Variants in SLC13A4 observed in about 807,000 individuals in gnomAD.
SLC13A4 encodes solute carrier family 13 member 4, also known as Na(+)/sulfate cotransporter SUT-1.
Under a neutral mutation model 72.7 loss-of-function variants are expected in SLC13A4, and 28 were observed. The ratio of observed to expected loss-of-function variants is 0.39; its 90% CI spans 0.29 to 0.53. The LOEUF is 0.53. Ranked by LOEUF, SLC13A4 falls within the 20% of genes least tolerant of loss-of-function variation. The pLI, the probability that SLC13A4 is intolerant of heterozygous loss-of-function variation, is 0.78. For missense variants in SLC13A4, 653 were observed against 788.0 expected, an observed-to-expected ratio of 0.83 and a Z score of 2.05; for synonymous variants, 312 against 325.5, an observed-to-expected ratio of 0.96 and a Z score of 0.45.
intron 13 of SLC13A4, among the ~76,000 whole-genome samples, chr7:135,686,012 G>A (rs1194610214): frequency 2.0e-5 from 3 of 152,178 alleles, no homozygotes; most frequent in Non-Finnish European, 2.9e-5. Flanking sequence ...CTTCAGTCTC[G>A]TTACCCTTTC....
At chr7:135,706,600 C>T (rs935310007) in intron 3 of SLC13A4, among the ~76,000 whole-genome samples, 1 of 152,186 alleles carries the variant, frequency 6.6e-6, no homozygotes, top group South Asian at 2.1e-4. Context: ...TGTAGACTTA[C>T]CATTGTTTTT....
intron 8 of SLC13A4, among the ~76,000 whole-genome samples, chr7:135,697,108 T>G (rs1460298401): frequency 1.3e-5 from 2 of 152,250 alleles, no homozygotes; most frequent in African/African-American, 2.4e-5. Context: ...CAAAGGTTAT[T>G]ATGAATATCC....
intron 2 of SLC13A4, among the ~76,000 whole-genome samples, chr7:135,715,626 G>T (rs1257475766): frequency 6.6e-6 from 1 of 152,172 alleles, no homozygotes; most frequent in African/African-American, 2.4e-5. Context: ...AGAGCTGTTT[G>T]TTCCCAATCC....
chr7:135,684,285 C>A, intron 14 of SLC13A4, 24 bp from the exon 15 acceptor site: 1 of 1,578,718 alleles, frequency 6.3e-7, no homozygotes, highest in Non-Finnish European at 8.6e-7. Flanking sequence ...TTCACAGAAA[C>A]ATTCACGAGA....
chr7:135,685,782 G>A (rs568498233), intron 13 of SLC13A4, 99 bp from the exon 14 acceptor site: 2 of 1,054,544 alleles, frequency 1.9e-6, no homozygotes, highest in Non-Finnish European at 1.4e-6. Context: ...AAGGCTGGAC[G>A]ACCAGGGATC....
In SLC13A4 at chr7:135,721,350, C is replaced by A. The variant is rs766079833; in HGVS notation, c.228+45G>T. ...TTCATTGGAGGCTCTCTTTCAGGGG[C>A]CCTGCAGGGACCCAGGCAGGGGGTG... On this transcript the variant is annotated intron_variant, in intron 2 of 15. Coordinates refer to ENST00000682651, the MANE Select transcript of SLC13A4 (RefSeq NM_001318192.2). 4.3e-6 allele frequency: 7 copies of A among 1,609,228 alleles called. No homozygotes were observed. The African/African-American group carries it at 9.4e-5, about 22-fold the overall frequency.
rs1426580756 is a variant in SLC13A4, at chr7:135,681,287, T to C, written c.*276A>G. On this transcript the variant is annotated 3_prime_UTR_variant, in exon 16 of 16. Transcript: ENST00000682651. ...TTTAATTTTTATTTTCTTTTTCTTT[T>C]TCTGTGAGCCTATGGCTTGTATTGA... is the stretch of plus-strand genomic sequence containing the variant. 10 of 334,548 alleles carry C rather than the reference T, an allele frequency of 3.0e-5. No individual in the cohort carries two copies. The highest frequency in any genetic ancestry group is 4.8e-5 in the Admixed American group (1 of 20,884). The allele number at this position is 334,548 out of a possible 1,614,324, so 20.7% of individuals were successfully genotyped here.
intron 2 of SLC13A4, 21 bp from the exon 3 acceptor site, chr7:135,708,271 T>C: frequency 6.2e-7 from 1 of 1,613,826 alleles, no homozygotes; most frequent in Non-Finnish European, 8.5e-7. Context: ...GCCAGGCATG[T>C]CAGTCACCCT....
In SLC13A4 at chr7:135,726,252, C is replaced by A. The variant is rs537474455; in HGVS notation, c.99+1146G>T. Among the ~76,000 whole-genome samples the A allele has an allele frequency of 2.0e-5, 3 of 152,328 alleles. 1 individual carries two copies. Among genetic ancestry groups the A allele is most frequent in the African/African-American group, 7.2e-5 (3 of 41,576 alleles). ...ACAAAGCAGAAAATTGACTAGGGTACAGTCCAGGAAGAATGTCAGCAGCAA... is the reference window on the plus strand; with the variant it reads ...ACAAAGCAGAAAATTGACTAGGGTAAAGTCCAGGAAGAATGTCAGCAGCAA... On this transcript the variant is annotated intron_variant, in intron 1 of 15. Coordinates refer to ENST00000682651, the MANE Select transcript of SLC13A4 (RefSeq NM_001318192.2).
Position 135,690,538 on chromosome 7 carries a change from A to G in SLC13A4, c.1446+663T>C, listed in dbSNP as rs79098679. On this transcript the variant is annotated intron_variant, in intron 13 of 15. Coordinates refer to ENST00000682651, the MANE Select transcript of SLC13A4 (RefSeq NM_001318192.2). The stretch of plus-strand genomic sequence containing the variant: ...TCGCCTATTACCACTCCTATTACCT[A>G]TTACCTATGTCTATCTCCTGTTACC... 7.2e-3 allele frequency among the ~76,000 whole-genome samples: 1,096 copies of G among 152,156 alleles called. 10 individuals carry two copies. The highest frequency in any genetic ancestry group is 0.025 in the African/African-American group (1,046 of 41,510).
intron 1 of SLC13A4, among the ~76,000 whole-genome samples, chr7:135,724,436 G>A (rs2129495571): frequency 6.7e-6 from 1 of 148,658 alleles, no homozygotes; most frequent in Non-Finnish European, 1.5e-5. Flanking sequence ...GGCAGAGGTT[G>A]CAGTGAGCCA....
rs1795982841 is a variant in SLC13A4, at chr7:135,699,529, G to T, written c.734C>A (p.Thr245Asn). 6.2e-7 allele frequency: 1 copy of T among 1,605,230 alleles called. No homozygotes were observed. Among genetic ancestry groups the T allele is most frequent in the African/African-American group, 1.3e-5 (1 of 74,854 alleles). The change falls in exon 8 of 16, where the codon ACC becomes AAC. Residue 245 changes from threonine to asparagine, a missense_variant. Thr to Asn is a moderately conservative substitution (Grantham distance 65). Coordinates refer to ENST00000682651, the MANE Select transcript of SLC13A4 (RefSeq NM_001318192.2). ...CAGCTTCTGCTTCCTGGGGCTGGGGGTCAGGACTTGTGGCTTTTCCTAACG... is the reference window on the plus strand; with the variant it reads ...CAGCTTCTGCTTCCTGGGGCTGGGGTTCAGGACTTGTGGCTTTTCCTAACG... ...HPSQEKPQVL[T>N]PSPRKQKLNR...
intron 15 of SLC13A4, chr7:135,683,368 T>C: frequency 1.0e-6 from 1 of 984,934 alleles, no homozygotes; most frequent in Non-Finnish European, 1.2e-6. Flanking sequence ...CTGAAACTTT[T>C]TCTTCCTTTC....
chr7:135,683,447 A>G, intron 15 of SLC13A4: 2 of 984,902 alleles, frequency 2.0e-6, no homozygotes, highest in Non-Finnish European at 2.4e-6. Context: ...TTGTCAGACC[A>G]TCAGTAATTC....
At position 135,681,707 on chromosome 7, in the gene SLC13A4, G is replaced by A. The variant is rs756857852; in HGVS notation, c.1747-7C>T. 3.7e-6 allele frequency: 6 copies of A among 1,611,882 alleles called. No homozygotes were observed. The Admixed American group carries it at 8.3e-5, about 22-fold the overall frequency. On this transcript the variant is annotated splice_region_variant and splice_polypyrimidine_tract_variant and intron_variant, in intron 15 of 15. Coordinates refer to ENST00000682651, the MANE Select transcript of SLC13A4 (RefSeq NM_001318192.2). Reference sequence around the variant, plus strand: ...CTCCCAGGCCAGCTTTCACCTGCAGGACACAAACCAGCACACCCTAGTCAC... The same window carrying A: ...CTCCCAGGCCAGCTTTCACCTGCAGAACACAAACCAGCACACCCTAGTCAC...
At chr7:135,700,302 TG>T (rs1796001121) in intron 7 of SLC13A4, among the ~76,000 whole-genome samples, 1 of 152,206 alleles carries the variant, frequency 6.6e-6, no homozygotes, top group Non-Finnish European at 1.5e-5. Flanking sequence ...TGCTGAACTC[TG>T]GTCTCAAGTG....
chr7:135,681,662 C>G lies in SLC13A4; in HGVS notation c.1785G>C (p.Val595=). ...AGGTGTTGATGGCCACCATTACTATCACCAGTCCAATAACGTTGACTCCCA... is the reference window on the plus strand; with the variant it reads ...AGGTGTTGATGGCCACCATTACTATGACCAGTCCAATAACGTTGACTCCCA... ...AGLGVNVIGL[V]IVMVAINTWG... Residue 595 remains valine, a synonymous_variant, in exon 16 of 16, where the codon GTG becomes GTC. Transcript: ENST00000682651. 1 of 1,614,074 alleles carries G rather than the reference C, an allele frequency of 6.2e-7. No homozygotes were observed. Among genetic ancestry groups the G allele is most frequent in the East Asian group, 2.2e-5 (1 of 44,880 alleles).
chr7:135,686,130 A>T (rs1795616897), intron 13 of SLC13A4, among the ~76,000 whole-genome samples: 1 of 152,206 alleles, frequency 6.6e-6, no homozygotes, highest in Admixed American at 6.5e-5. Flanking sequence ...TTTGTTACCT[A>T]AAAAAGGGAA....
Position 135,694,124 on chromosome 7 carries a change from G to A in SLC13A4, c.1121+13C>T, listed in dbSNP as rs181913360. The A allele has an allele frequency of 4.0e-6, 6 of 1,490,482 alleles. No individual in the cohort carries two copies. Among genetic ancestry groups the A allele is most frequent in the Middle Eastern group, 1.7e-4 (1 of 5,876 alleles). 92.3% of individuals were successfully genotyped at this position (1,490,482 alleles called of 1,614,324 possible). A position where few individuals can be genotyped will look rare whatever the true frequency, so the allele number is the denominator to read the frequency against. ...TGCTGGAGAAGGAGGGAAGAGGAAT[G>A]GCTGATTTTTACCTAATGTCTCCCA... is the stretch of plus-strand genomic sequence containing the variant. On this transcript the variant is annotated intron_variant, in intron 10 of 15. Transcript: ENST00000682651.
Sources: gnomAD v4.1 joint callset for allele counts (sites outside exome capture counted in the v4.1 genomes callset) on GRCh38, gnomAD v4.1.1 for gene constraint, MANE v1.5 for transcripts, NCBI Gene and HGNC (gene_info 2026-07-23, HGNC 2026-07-21) for gene names.